The following RABEP1 variants were observed in gnomAD, a reference collection of about 807,000 sequenced individuals.
RABEP1 encodes rabaptin, RAB GTPase binding effector protein 1, also known as rab GTPase-binding effector protein 1.
A neutral mutation model predicts 123.4 loss-of-function variants in RABEP1; 51 were observed. The ratio of observed to expected loss-of-function variants is 0.41; its 90% CI spans 0.33 to 0.52. RABEP1 has a LOEUF of 0.52. Among genes scored for constraint, RABEP1 ranks in the 20% least tolerant of loss-of-function variants. RABEP1 has a pLI of 0.16. For synonymous variants in RABEP1, 347 were observed against 355.2 expected (o/e 0.98, Z 0.26); for missense variants, 888 against 996.3 (o/e 0.89, Z 1.46).
chr17:5,369,055 G>A (rs1004997258), intron 12 of RABEP1, among the ~76,000 whole-genome samples: 5 of 152,104 alleles, frequency 3.3e-5, no homozygotes, highest in Admixed American at 6.5e-5. Context: ...GTTGCAGTGA[G>A]CTGAGATCGC....
intron 2 of RABEP1, among the ~76,000 whole-genome samples, chr17:5,328,392 C>T (rs1050763100): frequency 6.6e-6 from 1 of 152,034 alleles, no homozygotes; most frequent in South Asian, 2.1e-4. Flanking sequence ...TGCCTGTAAT[C>T]CCAGCACTTT....
chr17:5,371,899 G>A (rs1462186526), intron 12 of RABEP1, among the ~76,000 whole-genome samples: 1 of 151,962 alleles, frequency 6.6e-6, no homozygotes, highest in African/African-American at 2.4e-5. Context: ...TATTTCCTGT[G>A]GGCAGCAAAA....
chr17:5,330,020 A>G (rs541035299), intron 2 of RABEP1, among the ~76,000 whole-genome samples: 10 of 152,142 alleles, frequency 6.6e-5, no homozygotes, highest in Non-Finnish European at 1.2e-4. Flanking sequence ...GGTAATTAGC[A>G]TGAGGACCTG....
chr17:5,282,692 C>A (rs1400019152), intron 1 of RABEP1, among the ~76,000 whole-genome samples, 172 bp downstream of exon 1: 1 of 147,236 alleles, frequency 6.8e-6, no homozygotes, highest in Non-Finnish European at 1.5e-5. Flanking sequence ...GGCGCGGGCG[C>A]CCCGGCTGCC....
At position 5,322,463 on chromosome 17, in the gene RABEP1, T is replaced by G. The variant is rs184478125; in HGVS notation, c.164-9486T>G. Among the ~76,000 whole-genome samples, 15 of 139,042 alleles carry G rather than the reference T, an allele frequency of 1.1e-4. No individual in the cohort carries two copies. The East Asian group carries it at 2.6e-3, about 24-fold the overall frequency. 91.2% of individuals were successfully genotyped at this position (139,042 alleles called of 152,430 possible). On this transcript the variant is annotated intron_variant, in intron 2 of 17. Transcript: ENST00000537505. ...TTATAAATATCTATGCACCTAACAC[T>G]GGTACTTCCAAGTACATATAAAACA...
Position 5,365,174 on chromosome 17 carries a change from C to T in RABEP1, c.1721C>T (p.Thr574Ile), listed in dbSNP as rs1597387749. The change falls in exon 11 of 18, where the codon ACA (threonine) becomes ATA (isoleucine). Residue 574 changes from threonine to isoleucine, a missense_variant. Thr to Ile is a moderately conservative substitution (Grantham distance 89, BLOSUM62 -1). Transcript: ENST00000537505. ...CAAGCTAATGACCAGTTAGAGAAGA[C>T]AATGAAAGATAAGCAGGAGCTGGAA... Reference protein sequence around the residue: ...LRQANDQLEKTMKDKQELEDF... With the variant: ...LRQANDQLEKIMKDKQELEDF... 1.2e-6 allele frequency: 2 copies of T among 1,610,912 alleles called. No individual in the cohort carries two copies. Among genetic ancestry groups the T allele is most frequent in the East Asian group, 2.2e-5 (1 of 44,674 alleles).
chr17:5,378,350 TTTGTC>T (rs1352842537), intron 15 of RABEP1, 118 bp downstream of exon 15: 2 of 1,021,828 alleles, frequency 2.0e-6, no homozygotes, highest in African/African-American at 1.6e-5. Flanking sequence ...TTAAGGAACT[TTTGTC>T]TTGTGGGAAG....
At position 5,380,452 on chromosome 17, in the gene RABEP1, C is replaced by T; in HGVS notation, c.2360C>T (p.Thr787Ile). Residue 787 changes from threonine (T) to isoleucine (I), a missense_variant, in exon 16 of 18, where the codon ACT becomes ATT. Thr to Ile is a moderately conservative substitution (Grantham distance 89, BLOSUM62 -1). Transcript: ENST00000537505. ...TTGGAAGAGCAGTTAAAGAAAGAGA[C>T]TGCTGCTAAGGTAGTGTTTTCATTA... The part of the protein sequence containing the change: ...ISLEEQLKKE[T>I]AAKATVEQLM... 2 of 1,546,296 alleles carry T rather than the reference C, an allele frequency of 1.3e-6. No individual in the cohort carries two copies. The highest frequency in any genetic ancestry group is 2.7e-5 in the African/African-American group (2 of 73,336).
chr17:5,358,904 G>T (rs1332934016), intron 8 of RABEP1, among the ~76,000 whole-genome samples: 1 of 152,040 alleles, frequency 6.6e-6, no homozygotes, highest in Non-Finnish European at 1.5e-5. Flanking sequence ...GAGACTACAG[G>T]CGTGTGGTAC....
chr17:5,350,878 G>T (rs1279543240), intron 7 of RABEP1, among the ~76,000 whole-genome samples: 1 of 152,192 alleles, frequency 6.6e-6, no homozygotes, highest in African/African-American at 2.4e-5. Flanking sequence ...ATGCAGCAGT[G>T]CGTATTTCGG....
intron 2 of RABEP1, among the ~76,000 whole-genome samples, chr17:5,316,423 G>A (rs184148231): frequency 4.5e-4 from 61 of 135,180 alleles, no homozygotes; most frequent in East Asian, 9.7e-4. Context: ...GCATTCCACC[G>A]TGGGCGACAG....
At chr17:5,290,955 T>C (rs79883823) in intron 1 of RABEP1, among the ~76,000 whole-genome samples, 7,724 of 152,262 alleles carry the variant, frequency 0.051, 340 homozygotes, top group African/African-American at 0.12. Context: ...ACTTTCACAA[T>C]TGAGGCTATA....
chr17:5,324,776 C>A (rs920616374), intron 2 of RABEP1, among the ~76,000 whole-genome samples: 33 of 152,056 alleles, frequency 2.2e-4, no homozygotes, highest in African/African-American at 7.5e-4. Flanking sequence ...CGTAAATGGC[C>A]AAGAGGTATG....
At chr17:5,333,256 A>G (rs1906738598) in intron 3 of RABEP1, among the ~76,000 whole-genome samples, 1 of 151,842 alleles carries the variant, frequency 6.6e-6, no homozygotes, top group African/African-American at 2.4e-5. Context: ...TCCGCCTTCC[A>G]GGTTCAAGCG....
intron 8 of RABEP1, chr17:5,356,505 T>C (rs1909029183): frequency 5.8e-6 from 1 of 172,958 alleles, no homozygotes; most frequent in South Asian, 2.0e-4. Flanking sequence ...TTGGGAAGTA[T>C]AGAAAACACC....
At chr17:5,369,010 G>A (rs1052862841) in intron 12 of RABEP1, among the ~76,000 whole-genome samples, 3 of 152,184 alleles carry the variant, frequency 2.0e-5, no homozygotes, top group Non-Finnish European at 4.4e-5. Flanking sequence ...TCGGGAGGCT[G>A]AGGCAGGAGA....
At chr17:5,326,796 A>G (rs961773259) in intron 2 of RABEP1, among the ~76,000 whole-genome samples, 2 of 152,176 alleles carry the variant, frequency 1.3e-5, no homozygotes, top group Non-Finnish European at 2.9e-5. Flanking sequence ...TGAAACTGCT[A>G]AAACGTTTAT....
chr17:5,316,055 C>A (rs910025588), intron 2 of RABEP1, among the ~76,000 whole-genome samples: 1 of 152,060 alleles, frequency 6.6e-6, no homozygotes, highest in African/African-American at 2.4e-5. Context: ...TAATTGTCAA[C>A]CTAAAATTTT....
At chr17:5,362,110 T>C (rs1300805518) in intron 9 of RABEP1, 1 of 164,426 alleles carries the variant, frequency 6.1e-6, no homozygotes, top group Non-Finnish European at 1.3e-5. Context: ...TAAAGAGGGG[T>C]TGGGAATATG....
Sources: allele counts gnomAD v4.1 joint callset (sites outside exome capture counted in the v4.1 genomes callset), GRCh38; gene constraint gnomAD v4.1.1; transcripts MANE v1.5; gene names NCBI Gene and HGNC (gene_info 2026-07-23, HGNC 2026-07-21).